Variants in ADCK1 observed in about 807,000 individuals in gnomAD.
ADCK1 encodes the protein aarF domain-containing protein kinase 1.
ADCK1 carries 41 observed loss-of-function variants against 52.3 expected under a neutral mutation model. That is an observed-to-expected ratio of 0.78 (90% CI 0.61 to 1.02). The LOEUF is 1.02. Ranked by LOEUF, ADCK1 falls within the 50% of genes least tolerant of loss-of-function variation. The pLI is 0.00. For synonymous variants in ADCK1, 250 were observed against 274.6 expected, an observed-to-expected ratio of 0.91 and a Z score of 0.89; for missense variants, 658 against 679.5, an observed-to-expected ratio of 0.97 and a Z score of 0.35.
At chr14:77,847,035 A>C (rs1472398938) in intron 3 of ADCK1, among the ~76,000 whole-genome samples, 5 of 152,278 alleles carry the variant, frequency 3.3e-5, no homozygotes, top group African/African-American at 1.2e-4. Context: ...AGAATGGGTC[A>C]AGTCAGGACT....
At chr14:77,925,083 T>C (rs1402064978) in intron 8 of ADCK1, among the ~76,000 whole-genome samples, 1 of 152,224 alleles carries the variant, frequency 6.6e-6, no homozygotes, top group African/African-American at 2.4e-5. Context: ...CAGGAGCTCC[T>C]ACTTGGAAGA....
At chr14:77,839,055 T>G (rs1424494771) in intron 3 of ADCK1, among the ~76,000 whole-genome samples, 2 of 152,212 alleles carry the variant, frequency 1.3e-5, no homozygotes, top group East Asian at 3.9e-4. Flanking sequence ...TGTACACTTT[T>G]CAGGAAATCA....
intron 4 of ADCK1, among the ~76,000 whole-genome samples, chr14:77,865,650 C>A (rs568971309): frequency 6.6e-6 from 1 of 152,334 alleles, no homozygotes; most frequent in South Asian, 2.1e-4. Context: ...TGCTTTCACA[C>A]GGCCTGGAGC....
At chr14:77,895,945 C>T (rs926894570) in intron 5 of ADCK1, among the ~76,000 whole-genome samples, 1 of 152,092 alleles carries the variant, frequency 6.6e-6, no homozygotes, top group African/African-American at 2.4e-5. Context: ...ATTCAAAGAA[C>T]CCCCTTCATT....
intron 3 of ADCK1, among the ~76,000 whole-genome samples, chr14:77,849,079 C>T (rs976178734): frequency 5.3e-5 from 8 of 152,106 alleles, no homozygotes; most frequent in African/African-American, 1.2e-4. Flanking sequence ...CTGCCCGCCT[C>T]GGCCTCCCAA....
chr14:77,841,061 G>T (rs4359362), intron 3 of ADCK1, among the ~76,000 whole-genome samples: 2 of 152,080 alleles, frequency 1.3e-5, no homozygotes, highest in South Asian at 2.1e-4. Flanking sequence ...AGGTGGCAAG[G>T]GCATTATTCT....
At chr14:77,836,769 C>CTTTTTTTTTTTT (rs1293120244) in intron 3 of ADCK1, among the ~76,000 whole-genome samples, 3 of 75,278 alleles carry the variant, frequency 4.0e-5, no homozygotes, top group Non-Finnish European at 5.7e-5. Context: ...TTCTTTCTTT[C>CTTTTTTTTTTTT]TTTCTTTTTT....
Position 77,801,304 on chromosome 14 carries a change from T to C in ADCK1, c.-12+1134T>C, listed in dbSNP as rs548324662. ...CCATACGTTGAGTACCACTGCTTTA[T>C]AGGAAAAAAAATCCTGTGAACTTAA... On this transcript the variant is annotated intron_variant, in intron 1 of 10. Transcript: ENST00000238561. Among the ~76,000 whole-genome samples, 5 of 152,286 alleles carry C rather than the reference T, an allele frequency of 3.3e-5. No homozygotes were observed. The South Asian group carries it at 1.0e-3, about 32-fold the overall frequency.
intron 3 of ADCK1, among the ~76,000 whole-genome samples, chr14:77,845,554 C>G (rs1003221822): frequency 6.6e-6 from 1 of 152,118 alleles, no homozygotes; most frequent in African/African-American, 2.4e-5. Context: ...TCCTGAGTAG[C>G]TGGGACTACA....
intron 8 of ADCK1, among the ~76,000 whole-genome samples, chr14:77,925,366 G>T (rs3783955): frequency 4.6e-5 from 7 of 151,878 alleles, no homozygotes; most frequent in African/African-American, 1.7e-4. Context: ...GGTGCTGGCA[G>T]CTGGCGGCAG....
At chr14:77,887,533 C>T (rs2083186289) in intron 5 of ADCK1, among the ~76,000 whole-genome samples, 1 of 152,104 alleles carries the variant, frequency 6.6e-6, no homozygotes, top group Non-Finnish European at 1.5e-5. Flanking sequence ...AAGGGGACCT[C>T]AGGGAAGGGA....
chr14:77,903,538 C>G (rs1405324933), intron 6 of ADCK1, among the ~76,000 whole-genome samples: 1 of 152,170 alleles, frequency 6.6e-6, no homozygotes, highest in African/African-American at 2.4e-5. Flanking sequence ...ATGATTAAGG[C>G]CAGGCTTAGT....
At chr14:77,894,023 G>T (rs559844873) in intron 5 of ADCK1, among the ~76,000 whole-genome samples, 1 of 152,104 alleles carries the variant, frequency 6.6e-6, no homozygotes, top group Admixed American at 6.6e-5. Context: ...GTGAGCCACC[G>T]CGTCCAGCCT....
chr14:77,858,973 T>TG, intron 3 of ADCK1, 103 bp from the exon 4 acceptor site: 3 of 1,075,594 alleles, frequency 2.8e-6, no homozygotes, highest in Non-Finnish European at 4.0e-6. Context: ...CTGGGCATTG[T>TG]GGGGTAATGA....
At chr14:77,850,034 G>GA (rs2082250318) in intron 3 of ADCK1, among the ~76,000 whole-genome samples, 1 of 151,994 alleles carries the variant, frequency 6.6e-6, no homozygotes, top group Non-Finnish European at 1.5e-5. Flanking sequence ...GTGAGACCCT[G>GA]ACTCAACAAA....
intron 3 of ADCK1, chr14:77,827,889 C>T (rs775657669): frequency 6.9e-5 from 28 of 406,434 alleles, no homozygotes; most frequent in African/African-American, 3.3e-4. Flanking sequence ...AGTGCATTGG[C>T]GTGATCTCGG....
chr14:77,814,909 G>A (rs1350957743), intron 1 of ADCK1, among the ~76,000 whole-genome samples: 1 of 140,812 alleles, frequency 7.1e-6, no homozygotes, highest in African/African-American at 2.7e-5. Context: ...TTTTTTTTTT[G>A]AGAAGGAGTC....
At chr14:77,900,451 G>A (rs981723277) in intron 6 of ADCK1, 1 of 349,254 alleles carries the variant, frequency 2.9e-6, no homozygotes, top group East Asian at 8.4e-5. Flanking sequence ...GCTGGGCATG[G>A]TGGTGCACTC....
Position 77,887,280 on chromosome 14 carries a change from C to T in ADCK1, c.582+31C>T, listed in dbSNP as rs181111670. 1.2e-4 allele frequency: 180 copies of T among 1,524,234 alleles called. No homozygotes were observed. The African/African-American group carries it at 1.9e-3, about 16-fold the overall frequency. 94.4% of individuals were successfully genotyped at this position (1,524,234 alleles called of 1,614,324 possible). On this transcript the variant is annotated intron_variant, in intron 5 of 10. Transcript: ENST00000238561. ...AGCCCTCCCTTTCTCCTTCCTGTGT[C>T]CTCAGTCTACATTTCCCTGGGATCC...
Sources: gnomAD v4.1 joint callset for allele counts (sites outside exome capture counted in the v4.1 genomes callset) on GRCh38, gnomAD v4.1.1 for gene constraint, MANE v1.5 for transcripts, NCBI Gene and HGNC (gene_info 2026-07-23, HGNC 2026-07-21) for gene names.